CLGN: variants seen among roughly 807,000 people sequenced by gnomAD.
CLGN encodes testis tissue sperm-binding protein Li 79P.
A neutral mutation model predicts 79.1 loss-of-function variants in CLGN; 62 were observed. That is an observed-to-expected ratio of 0.78 (90% CI 0.64 to 0.97). The LOEUF is 0.97. CLGN is among the 50% of genes least tolerant of loss of function. The pLI, the probability that CLGN is intolerant of heterozygous loss-of-function variation, is 0.00. For missense variants in CLGN, 647 were observed against 715.5 expected (o/e 0.90, Z 1.09); for synonymous variants, 225 against 224.7 (o/e 1.00, Z -0.01).
In CLGN at chr4:140,398,343, C is replaced by T. The variant is rs112515855; in HGVS notation, c.884+508G>A. ...GAGTGCAGTGGCACGACCTTGGGCT[C>T]ACTGCAGCCTCTGCCTCCTGGGTTC... On this transcript the variant is annotated intron_variant, in intron 8 of 14. Coordinates refer to ENST00000325617, the MANE Select transcript of CLGN (RefSeq NM_004362.3). Among the ~76,000 whole-genome samples, 775 of 142,768 alleles carry T rather than the reference C, an allele frequency of 5.4e-3. 9 individuals are homozygous for T. The highest frequency in any genetic ancestry group is 0.018 in the African/African-American group (691 of 38,026). 93.7% of individuals were successfully genotyped at this position (142,768 alleles called of 152,430 possible). A position where few individuals can be genotyped will look rare whatever the true frequency, so the allele number is the denominator to read the frequency against.
At position 140,425,416 on chromosome 4, in the gene CLGN, G is replaced by A. The variant is rs557086148; in HGVS notation, c.-10+2121C>T. On this transcript the variant is annotated intron_variant, in intron 1 of 14. Coordinates refer to ENST00000325617, the MANE Select transcript of CLGN (RefSeq NM_004362.3). The stretch of plus-strand genomic sequence containing the variant: ...TTATTAGTCAGAGTTCATCAGAGAA[G>A]CAGAATCAATAGGGTGTGTGTGTGT... Among the ~76,000 whole-genome samples the A allele has an allele frequency of 1.4e-3, 197 of 141,224 alleles. 1 individual carries two copies. Among genetic ancestry groups the A allele is most frequent in the Non-Finnish European group, 2.5e-3 (166 of 65,762 alleles). The allele number at this position is 141,224 out of a possible 152,430, so 92.6% of individuals were successfully genotyped here.
At chr4:140,417,849 T>G (rs1248500533) in intron 1 of CLGN, among the ~76,000 whole-genome samples, 2 of 150,160 alleles carry the variant, frequency 1.3e-5, no homozygotes, top group East Asian at 2.0e-4. Context: ...TGGAAAAAAC[T>G]ACTTTAAAGT....
intron 1 of CLGN, among the ~76,000 whole-genome samples, chr4:140,426,501 C>G (rs1729570196): frequency 6.6e-6 from 1 of 152,182 alleles, no homozygotes; most frequent in South Asian, 2.1e-4. Flanking sequence ...ACCAATAAGA[C>G]GTGAAGGCAA....
At position 140,388,821 on chromosome 4, in the gene CLGN, T is replaced by C. The variant is rs1022658757; in HGVS notation, c.*403A>G. ...ATTTAGCTCTTCACAACAGAACATA[T>C]GCTCATTTTTATTATAGAACTACCA... On this transcript the variant is annotated 3_prime_UTR_variant, in exon 15 of 15. Coordinates refer to ENST00000325617, the MANE Select transcript of CLGN (RefSeq NM_004362.3). 1 of 162,460 alleles carries C rather than the reference T, an allele frequency of 6.2e-6. No individual in the cohort carries two copies. Among genetic ancestry groups the C allele is most frequent in the Non-Finnish European group, 1.4e-5 (1 of 73,966 alleles). 10.1% of individuals were successfully genotyped at this position (162,460 alleles called of 1,614,324 possible).
chr4:140,416,285 A>C (rs1248260587), intron 1 of CLGN, among the ~76,000 whole-genome samples: 1 of 78,700 alleles, frequency 1.3e-5, no homozygotes, highest in Non-Finnish European at 2.5e-5. Context: ...CATCACAATT[A>C]AAAGAACTAG....
At position 140,392,699 on chromosome 4, in the gene CLGN, T is replaced by C. The variant is rs1728798493; in HGVS notation, c.1378A>G (p.Lys460Glu). 1 of 1,598,700 alleles carries C rather than the reference T, an allele frequency of 6.3e-7. No individual in the cohort carries two copies. The highest frequency in any genetic ancestry group is 8.5e-7 in the Non-Finnish European group (1 of 1,175,240). ...CCTTCAGCAGCTGCCATTAACTGTT[T>C]TAATACACCAGGCTATAGACGAGAT... ...IANANKPGVL[K>E]QLMAAAEGHP... The change falls in exon 12 of 15, where the codon AAA becomes GAA. Residue 460 changes from lysine (K) to glutamate (E), a missense_variant. Lys to Glu is a moderately conservative substitution (Grantham distance 56). Transcript: ENST00000325617.
At position 140,416,409 on chromosome 4, in the gene CLGN, A is replaced by C. The variant is rs564502230; in HGVS notation, c.-9-3322T>G. 2.6e-3 allele frequency among the ~76,000 whole-genome samples: 387 copies of C among 147,186 alleles called. 2 individuals are homozygous for C. The highest frequency in any genetic ancestry group is 9.4e-3 in the African/African-American group (374 of 39,824). On this transcript the variant is annotated intron_variant, in intron 1 of 14. Transcript: ENST00000325617. ...AACCCTTCAAAAAATTAATGAATCC[A>C]GGAGCTGGTTTTTTGAAAGGATCAA...
At chr4:140,422,755 A>G (rs567337557) in intron 1 of CLGN, among the ~76,000 whole-genome samples, 1 of 152,238 alleles carries the variant, frequency 6.6e-6, no homozygotes, top group South Asian at 2.1e-4. Flanking sequence ...AGCTGGGACT[A>G]CAGGCAAGCA....
chr4:140,414,595 T>G (rs1729285720), intron 1 of CLGN, among the ~76,000 whole-genome samples: 1 of 145,996 alleles, frequency 6.8e-6, no homozygotes, highest in African/African-American at 2.6e-5. Flanking sequence ...GAAGAAAGGG[T>G]ATCAGCGATG....
intron 6 of CLGN, among the ~76,000 whole-genome samples, chr4:140,401,025 T>A (rs1479710342): frequency 2.6e-5 from 4 of 152,116 alleles, no homozygotes; most frequent in Admixed American, 6.5e-5. Flanking sequence ...TGGCATGGCA[T>A]AGTGGTTAAC....
At chr4:140,400,047 C>T (rs1423284275) in intron 7 of CLGN, among the ~76,000 whole-genome samples, 1 of 152,146 alleles carries the variant, frequency 6.6e-6, no homozygotes, top group Non-Finnish European at 1.5e-5. Context: ...CTAAAATGTC[C>T]TTTCACCCTA....
chr4:140,415,485 C>A (rs1578606294), intron 1 of CLGN, among the ~76,000 whole-genome samples: 3 of 151,916 alleles, frequency 2.0e-5, no homozygotes, highest in Non-Finnish European at 1.5e-5. Flanking sequence ...ACATAGGCTC[C>A]AAATAAAAGG....
At chr4:140,408,274 G>C (rs1729145442) in intron 4 of CLGN, among the ~76,000 whole-genome samples, 2 of 152,010 alleles carry the variant, frequency 1.3e-5, no homozygotes, top group South Asian at 4.1e-4. Flanking sequence ...CTTAGGCAAA[G>C]AATTCATGAC....
chr4:140,410,620 A>T lies in CLGN; in HGVS notation c.151T>A (p.Tyr51Asn). 1 of 1,563,152 alleles carries T rather than the reference A, an allele frequency of 6.4e-7. No homozygotes were observed. Among genetic ancestry groups the T allele is most frequent in the Non-Finnish European group, 8.8e-7 (1 of 1,138,438 alleles). Residue 51 changes from tyrosine to asparagine, a missense_variant, in exon 3 of 15, where the codon TAT becomes AAT. Tyr to Asn is a moderately radical substitution (Grantham distance 143). Coordinates refer to ENST00000325617, the MANE Select transcript of CLGN (RefSeq NM_004362.3). ...NESELSSEIK[Y>N]KTPQPIGEVY... ...TCTCCTATAGGTTGAGGTGTCTTAT[A>T]TTTAATCTAGAAAAGAGATTTTCCA...
At chr4:140,394,691 T>A (rs562178335) in intron 10 of CLGN, among the ~76,000 whole-genome samples, 35 of 152,182 alleles carry the variant, frequency 2.3e-4, no homozygotes, top group Admixed American at 2.0e-3. Context: ...AACAAAAAAA[T>A]TTACCAAAAG....
At chr4:140,401,639 A>T (rs2567240) in intron 6 of CLGN, among the ~76,000 whole-genome samples, 151,414 of 152,256 alleles carry the variant, frequency 0.99, 75,299 homozygotes, top group Middle Eastern at 1. Context: ...TTTCACTGCT[A>T]TGCTTTGTTA....
chr4:140,399,591 G>A (rs1728962169), intron 7 of CLGN, among the ~76,000 whole-genome samples: 1 of 152,174 alleles, frequency 6.6e-6, no homozygotes, highest in Non-Finnish European at 1.5e-5. Context: ...TTCTACCACT[G>A]CAGCATTTGG....
At position 140,400,403 on chromosome 4, in the gene CLGN, G is replaced by A; in HGVS notation, c.648C>T (p.Asp216=). ...EEKHAKPPDV[D]LKKFFTDRKT... is the part of the protein sequence containing the mutation. ...TCCTGTCTGTAAAGAACTTTTTAAG[G>A]TCTACATCTGGAGGTTTGGCATGTT... The change falls in exon 7 of 15, where the codon GAC becomes GAT. Residue 216 remains aspartate, a synonymous_variant. Transcript: ENST00000325617. 6.2e-7 allele frequency: 1 copy of A among 1,613,132 alleles called. No homozygotes were observed. Among genetic ancestry groups the A allele is most frequent in the Non-Finnish European group, 8.5e-7 (1 of 1,179,404 alleles).
At chr4:140,411,939 T>C (rs1387716374) in intron 2 of CLGN, among the ~76,000 whole-genome samples, 2 of 152,134 alleles carry the variant, frequency 1.3e-5, no homozygotes, top group Non-Finnish European at 2.9e-5. Flanking sequence ...AAAATCATTC[T>C]TTCCCACTTC....
Sources: allele counts gnomAD v4.1 joint callset (sites outside exome capture counted in the v4.1 genomes callset), GRCh38; gene constraint gnomAD v4.1.1; transcripts MANE v1.5; gene names NCBI Gene and HGNC (gene_info 2026-07-23, HGNC 2026-07-21).